Variants in KIAA1671 observed in about 807,000 individuals in gnomAD.
The protein encoded by KIAA1671 is uncharacterized protein KIAA1671.
A neutral mutation model predicts 131.2 loss-of-function variants in KIAA1671; 52 were observed. The ratio of observed to expected loss-of-function variants is 0.40; its 90% CI spans 0.32 to 0.50. KIAA1671 has a LOEUF of 0.50. Among genes scored for constraint, KIAA1671 ranks in the 20% least tolerant of loss-of-function variants. The probability of loss-of-function intolerance (pLI) is 0.73; values close to 1 mark genes in which losing one functional copy is unlikely to be tolerated. For missense variants in KIAA1671, 2,360 were observed against 2,364.2 expected (o/e 1.00, Z 0.04); for synonymous variants, 1,003 against 961.6 (o/e 1.04, Z -0.80).
intron 6 of KIAA1671, among the ~76,000 whole-genome samples, chr22:25,071,177 G>A (rs1350190430): frequency 6.6e-6 from 1 of 152,180 alleles, no homozygotes; most frequent in East Asian, 1.9e-4. Flanking sequence ...GGGACTTACC[G>A]AAGAATTGTC....
intron 10 of KIAA1671, among the ~76,000 whole-genome samples, chr22:25,182,818 C>G (rs1298616793): frequency 1.3e-5 from 2 of 152,146 alleles, no homozygotes; most frequent in African/African-American, 4.8e-5. Flanking sequence ...GCTCCTGAAG[C>G]CCTTGAGGAA....
At chr22:25,146,766 A>T (rs1331311788) in intron 6 of KIAA1671, among the ~76,000 whole-genome samples, 1 of 152,192 alleles carries the variant, frequency 6.6e-6, no homozygotes, top group African/African-American at 2.4e-5. Flanking sequence ...TTATTAATGC[A>T]CTCACCAAAG....
chr22:25,065,710 G>C (rs1928437863), intron 6 of KIAA1671, among the ~76,000 whole-genome samples: 1 of 151,576 alleles, frequency 6.6e-6, no homozygotes, highest in African/African-American at 2.4e-5. Context: ...TGCGATCTCG[G>C]CTTACTGCAA....
chr22:25,149,638 C>G lies in KIAA1671; in HGVS notation c.4531-21182C>G, dbSNP rs530063502. Among the ~76,000 whole-genome samples, 4 of 152,216 alleles carry G rather than the reference C, an allele frequency of 2.6e-5. No homozygotes were observed. The East Asian group carries it at 5.8e-4, about 22-fold the overall frequency. On this transcript the variant is annotated intron_variant, in intron 6 of 12. Transcript: ENST00000358431. ...ATTTGCCTTAAATGCATTTGCTTCT[C>G]TTTATCGCTTTGCCCTGCCTTGGGT...
Position 25,041,141 on chromosome 22 carries a change from T to C in KIAA1671, c.4011T>C (p.His1337=). 1.3e-6 allele frequency: 2 copies of C among 1,551,038 alleles called. No homozygotes were observed. Among genetic ancestry groups the C allele is most frequent in the South Asian group, 1.2e-5 (1 of 84,026 alleles). ...DDRKAFASKH[H]VAKCQNYLAE... ...GAAAGGCCTTTGCCAGTAAACATCA[T>C]GTTGCAAAGTGTCAGAATTACCTGG... The change falls in exon 5 of 13, where the codon CAT becomes CAC. Residue 1337 remains histidine, a synonymous_variant. Transcript: ENST00000358431.
chr22:25,016,460 A>C (rs1396390193), intron 1 of KIAA1671, among the ~76,000 whole-genome samples: 1 of 152,198 alleles, frequency 6.6e-6, no homozygotes, highest in African/African-American at 2.4e-5. Context: ...GAGCCGAATC[A>C]GAATCACGGA....
Position 25,041,079 on chromosome 22 carries a change from G to A in KIAA1671, c.3949G>A (p.Asp1317Asn), listed in dbSNP as rs1438918207. Residue 1317 changes from aspartate (D) to asparagine (N), a missense_variant, in exon 5 of 13, where the codon GAT becomes AAT. Coordinates refer to ENST00000358431, the MANE Select transcript of KIAA1671 (RefSeq NM_001145206.2). The part of the protein sequence containing the change: ...RYPGGSPIPA[D>N]PRKKTGFAED... Reference sequence around the variant, plus strand: ...TCCAGGGGGCTCTCCTATACCTGCGGATCCCAGGAAAAAAACGGGGTTTGC... The same window carrying A: ...TCCAGGGGGCTCTCCTATACCTGCGAATCCCAGGAAAAAAACGGGGTTTGC... 9.7e-6 allele frequency: 15 copies of A among 1,538,988 alleles called. No individual in the cohort carries two copies. Among genetic ancestry groups the A allele is most frequent in the African/African-American group, 2.8e-5 (2 of 72,666 alleles).
chr22:25,050,911 A>T (rs9306404), intron 6 of KIAA1671: 36,983 of 150,316 alleles, frequency 0.25, 6,621 homozygotes, highest in African/African-American at 0.51. Flanking sequence ...AACTTTTATG[A>T]GTGTGTGTGT....
At position 25,118,757 on chromosome 22, in the gene KIAA1671, G is replaced by A. The variant is rs546588926; in HGVS notation, c.4531-52063G>A. On this transcript the variant is annotated intron_variant, in intron 6 of 12. Transcript: ENST00000358431. The stretch of plus-strand genomic sequence containing the variant: ...CAGTTTTCCTGTGCGACCTGGCCCT[G>A]CCTCCCTGCTAACATCAGCTCCTAC... Among the ~76,000 whole-genome samples the A allele has an allele frequency of 2.1e-3, 327 of 152,154 alleles. 4 individuals carry two copies. In the South Asian group the frequency reaches 0.031, roughly 14 times the overall value.
At chr22:24,989,505 C>T (rs945617318) in intron 1 of KIAA1671, among the ~76,000 whole-genome samples, 3 of 152,166 alleles carry the variant, frequency 2.0e-5, no homozygotes, top group Admixed American at 1.3e-4. Context: ...AGCTCAGTCT[C>T]TTCACTGCTG....
At chr22:25,044,814 A>G (rs922323554) in intron 5 of KIAA1671, among the ~76,000 whole-genome samples, 1 of 152,160 alleles carries the variant, frequency 6.6e-6, no homozygotes, top group Non-Finnish European at 1.5e-5. Context: ...TCATATATAT[A>G]TGCATAATTG....
At position 25,008,197 on chromosome 22, in the gene KIAA1671, CAAAAAAAAA is replaced by C. The variant is rs34995094; in HGVS notation, c.-207-17422_-207-17414del. Among the ~76,000 whole-genome samples, 484 of 72,750 alleles carry C rather than the reference CAAAAAAAAA, an allele frequency of 6.7e-3. 4 individuals carry two copies. Among genetic ancestry groups the C allele is most frequent in the Non-Finnish European group, 8.7e-3 (349 of 40,088 alleles). 47.7% of individuals were successfully genotyped at this position (72,750 alleles called of 152,430 possible). A position where few individuals can be genotyped will look rare whatever the true frequency, so the allele number is the denominator to read the frequency against. On this transcript the variant is annotated intron_variant, in intron 1 of 12. Transcript: ENST00000358431. Reference sequence around the variant, plus strand: ...TGAGAGACAGAGTGAGACTCCGTCGCAAAAAAAAAAAAAAAAAAAAAAGGAAAAAGAAAA... The same window carrying C: ...TGAGAGACAGAGTGAGACTCCGTCGCAAAAAAAAAAAAAGGAAAAAGAAAA...
rs376770156 is a variant in KIAA1671, at chr22:25,028,110, C to T, written c.111C>T (p.Gly37=). Residue 37 remains glycine (G), a synonymous_variant, in exon 3 of 13, where the codon GGC becomes GGT. Coordinates refer to ENST00000358431, the MANE Select transcript of KIAA1671 (RefSeq NM_001145206.2). Reference sequence around the variant, plus strand: ...CGAGGACCTACTTCCTCCAGGCCGGCGAAGCCTCTGGGGCTCCCCCAGCCC... The same window carrying T: ...CGAGGACCTACTTCCTCCAGGCCGGTGAAGCCTCTGGGGCTCCCCCAGCCC... The part of the protein sequence containing the change: ...TLTRTYFLQA[G]EASGAPPARI... 27 of 1,551,132 alleles carry T rather than the reference C, an allele frequency of 1.7e-5. No homozygotes were observed. Among genetic ancestry groups the T allele is most frequent in the Admixed American group, 3.9e-5 (2 of 50,954 alleles).
intron 5 of KIAA1671, among the ~76,000 whole-genome samples, chr22:25,045,034 G>A (rs62233178): frequency 6.6e-6 from 1 of 151,806 alleles, no homozygotes; most frequent in South Asian, 2.1e-4. Context: ...AGTGGCGGGC[G>A]CCTGTAGTCC....
chr22:25,024,173 C>A (rs1384023680), intron 1 of KIAA1671: 1 of 152,144 alleles, frequency 6.6e-6, no homozygotes, highest in Non-Finnish European at 1.5e-5. Context: ...TGTCCTTCTC[C>A]TTTTACTTCC....
At chr22:25,029,663 G>C (rs1926167398) in intron 3 of KIAA1671, 123 bp downstream of exon 3, 1 of 703,890 alleles carries the variant, frequency 1.4e-6, no homozygotes, top group Non-Finnish European at 2.3e-6. Context: ...CCCAAGAGGA[G>C]GTAGTGGCAG....
chr22:24,994,913 C>T (rs759126640), intron 1 of KIAA1671, among the ~76,000 whole-genome samples: 1 of 152,012 alleles, frequency 6.6e-6, no homozygotes, highest in Admixed American at 6.6e-5. Flanking sequence ...GCGAGGGGTC[C>T]ACTCTATCCC....
At chr22:25,020,521 G>GC (rs1925607585) in intron 1 of KIAA1671, among the ~76,000 whole-genome samples, 1 of 152,102 alleles carries the variant, frequency 6.6e-6, no homozygotes, top group South Asian at 2.1e-4. Context: ...TCCAGATATA[G>GC]CCATGAACAG....
chr22:25,131,277 C>T (rs1490473448), intron 6 of KIAA1671, among the ~76,000 whole-genome samples: 1 of 152,230 alleles, frequency 6.6e-6, no homozygotes, highest in African/African-American at 2.4e-5. Flanking sequence ...CTTTTCCCTC[C>T]CTGCCCCCAT....
Sources: allele counts gnomAD v4.1 joint callset (sites outside exome capture counted in the v4.1 genomes callset), GRCh38; gene constraint gnomAD v4.1.1; transcripts MANE v1.5; gene names NCBI Gene and HGNC (gene_info 2026-07-23, HGNC 2026-07-21).